Variants in RIMBP2 observed in about 807,000 individuals in gnomAD.
The protein encoded by RIMBP2 is RIMS binding protein 2.
Under a neutral mutation model 118.6 loss-of-function variants are expected in RIMBP2, and 48 were observed. That is an observed-to-expected ratio of 0.40 (90% CI 0.32 to 0.51). The LOEUF (loss-of-function observed/expected upper bound fraction) is 0.51, where lower values mean the gene tolerates loss of function less well. Ranked by LOEUF, RIMBP2 falls within the 20% of genes least tolerant of loss-of-function variation. The pLI is 0.41. For synonymous variants in RIMBP2, 762 were observed against 742.9 expected, an observed-to-expected ratio of 1.03 and a Z score of -0.42; for missense variants, 1,551 against 1,768.3, an observed-to-expected ratio of 0.88 and a Z score of 2.20.
intron 1 of RIMBP2, among the ~76,000 whole-genome samples, chr12:130,647,255 C>G (rs1457576555): frequency 6.6e-6 from 1 of 152,090 alleles, no homozygotes; most frequent in East Asian, 1.9e-4. Context: ...CCTAGCTACT[C>G]GGGACGCTGA....
chr12:130,689,880 G>C (rs542292969), intron 1 of RIMBP2, among the ~76,000 whole-genome samples: 3 of 152,178 alleles, frequency 2.0e-5, no homozygotes, highest in Non-Finnish European at 4.4e-5. Context: ...TCAGCCAGGC[G>C]CTCTGCTCAC....
intron 2 of RIMBP2, among the ~76,000 whole-genome samples, chr12:130,606,947 T>C (rs1199615125): frequency 6.6e-6 from 1 of 152,148 alleles, no homozygotes; most frequent in Non-Finnish European, 1.5e-5. Flanking sequence ...TTCTCCTGCC[T>C]CAGCCTCCTG....
chr12:130,566,802 G>A (rs1437904019), intron 2 of RIMBP2, among the ~76,000 whole-genome samples: 1 of 152,222 alleles, frequency 6.6e-6, no homozygotes, highest in Non-Finnish European at 1.5e-5. Flanking sequence ...TAAGTTTGGG[G>A]ATAATTTGTT....
intron 3 of RIMBP2, among the ~76,000 whole-genome samples, chr12:130,510,533 A>G (rs1304672231): frequency 6.6e-6 from 1 of 152,064 alleles, no homozygotes; most frequent in African/African-American, 2.4e-5. Flanking sequence ...CAGTGATGCA[A>G]TCTCGGCTCA....
At chr12:130,573,007 C>G (rs2140084545) in intron 2 of RIMBP2, among the ~76,000 whole-genome samples, 1 of 152,210 alleles carries the variant, frequency 6.6e-6, no homozygotes, top group African/African-American at 2.4e-5. Flanking sequence ...AGCCTTCTTC[C>G]CACAGCCACT....
intron 2 of RIMBP2, among the ~76,000 whole-genome samples, chr12:130,607,523 G>A (rs2060262936): frequency 6.6e-6 from 1 of 151,888 alleles, no homozygotes; most frequent in Non-Finnish European, 1.5e-5. Flanking sequence ...CCACATGCTC[G>A]GTGGGAACAT....
rs182803087 is a variant in RIMBP2 at position 130,450,790 on chromosome 12, C to T, written c.504+405G>A. On this transcript the variant is annotated intron_variant, in intron 8 of 22. Coordinates refer to ENST00000690449, the MANE Select transcript of RIMBP2 (RefSeq NM_001393629.1). The surrounding 1 kb of genome is among the most constrained non-coding windows in gnomAD (Gnocchi z 4.8). The stretch of plus-strand genomic sequence containing the variant: ...CAAAAAGCCAAACGCTGTCCTCTGC[C>T]CCCGCCCCCTCTCCAGCCACACCAG... Among the ~76,000 whole-genome samples the T allele has an allele frequency of 2.0e-4, 31 of 152,178 alleles. No homozygotes were observed. Among genetic ancestry groups the T allele is most frequent in the African/African-American group, 6.5e-4 (27 of 41,524 alleles).
chr12:130,408,022 T>C (rs1362099120), intron 19 of RIMBP2, among the ~76,000 whole-genome samples, 193 bp from the exon 20 acceptor site: 5 of 152,154 alleles, frequency 3.3e-5, no homozygotes, highest in Admixed American at 3.3e-4. Flanking sequence ...CATATTCTTA[T>C]ATTTTTGCTG....
At chr12:130,647,557 G>C (rs1159379777) in intron 1 of RIMBP2, among the ~76,000 whole-genome samples, 1 of 144,842 alleles carries the variant, frequency 6.9e-6, no homozygotes, top group Non-Finnish European at 1.6e-5. Flanking sequence ...GCGGAGGACT[G>C]AGCTCTGAGC....
intron 1 of RIMBP2, among the ~76,000 whole-genome samples, chr12:130,677,731 A>G (rs568113077): frequency 2.1e-5 from 3 of 142,962 alleles, no homozygotes; most frequent in Admixed American, 7.8e-5. Flanking sequence ...ACTGTCCATC[A>G]GGGCCCCACT....
intron 6 of RIMBP2, among the ~76,000 whole-genome samples, chr12:130,466,748 T>C (rs2080513105): frequency 6.6e-6 from 1 of 152,230 alleles, no homozygotes; most frequent in Non-Finnish European, 1.5e-5. Context: ...ACCCAGGCAA[T>C]GTAAATTGAT....
chr12:130,422,690 G>C lies in RIMBP2; in HGVS notation c.3130-129C>G. 1 of 667,408 alleles carries C rather than the reference G, an allele frequency of 1.5e-6. No homozygotes were observed. Among genetic ancestry groups the C allele is most frequent in the Non-Finnish European group, 2.6e-6 (1 of 383,342 alleles). The allele number at this position is 667,408 out of a possible 1,614,324, so 41.3% of individuals were successfully genotyped here. On this transcript the variant is annotated intron_variant, in intron 16 of 22. Transcript: ENST00000690449. The surrounding 1 kb of genome is among the most constrained non-coding windows in gnomAD (Gnocchi z 5.2). The stretch of plus-strand genomic sequence containing the variant: ...AACTAAACTTAGCTTTTAACTGAAA[G>C]GTTAGCTGAATGGCCTGGGAGAGAA...
chr12:130,444,221 G>C (rs558794595), intron 10 of RIMBP2, among the ~76,000 whole-genome samples: 2 of 152,304 alleles, frequency 1.3e-5, no homozygotes, highest in Non-Finnish European at 2.9e-5. Flanking sequence ...ACTGTGGTGA[G>C]AGTTCTTGGC....
At chr12:130,583,782 CAT>C (rs2058642958) in intron 2 of RIMBP2, among the ~76,000 whole-genome samples, 1 of 86,484 alleles carries the variant, frequency 1.2e-5, no homozygotes, top group Non-Finnish European at 3.0e-5. Flanking sequence ...CCACCACCGC[CAT>C]CACCTCATCA....
At chr12:130,536,596 C>T (rs2054106106) in intron 2 of RIMBP2, among the ~76,000 whole-genome samples, 1 of 152,202 alleles carries the variant, frequency 6.6e-6, no homozygotes, top group South Asian at 2.1e-4. Flanking sequence ...AATCTATTCC[C>T]CAACCAACTG....
intron 13 of RIMBP2, 33 bp downstream of exon 13, chr12:130,436,809 G>C: frequency 7.3e-7 from 1 of 1,370,758 alleles, no homozygotes; most frequent in Non-Finnish European, 9.4e-7. Flanking sequence ...TTTGGGGACT[G>C]AGGAGCCACC....
At chr12:130,606,501 G>C (rs1286754921) in intron 2 of RIMBP2, among the ~76,000 whole-genome samples, 1 of 152,244 alleles carries the variant, frequency 6.6e-6, no homozygotes, top group East Asian at 1.9e-4. Context: ...CGCTGTGGAG[G>C]CGGGGAGGAG....
intron 7 of RIMBP2, among the ~76,000 whole-genome samples, chr12:130,452,949 A>G (rs1218186327): frequency 6.6e-6 from 1 of 152,240 alleles, no homozygotes; most frequent in Non-Finnish European, 1.5e-5. Flanking sequence ...GCCTGAGAAG[A>G]CAAGGTGAGA....
rs564528323 is a variant in RIMBP2, at chr12:130,536,865, G to A, written c.-216-18948C>T. Among the ~76,000 whole-genome samples, 81 of 152,220 alleles carry A rather than the reference G, an allele frequency of 5.3e-4. No individual in the cohort carries two copies. In the South Asian group the frequency reaches 9.7e-3, roughly 18 times the overall value. The stretch of plus-strand genomic sequence containing the variant: ...ACCAGCAGTAAGTCACAATGATACC[G>A]TGAAGCCCCTGATATGGCATGATGG... On this transcript the variant is annotated intron_variant, in intron 2 of 22. Transcript: ENST00000690449.
Sources: allele counts gnomAD v4.1 joint callset (sites outside exome capture counted in the v4.1 genomes callset), GRCh38; gene constraint gnomAD v4.1.1; non-coding constraint Gnocchi (gnomAD v3.1); transcripts MANE v1.5; gene names NCBI Gene and HGNC (gene_info 2026-07-23, HGNC 2026-07-21).